MYRFL: variants seen among roughly 807,000 people sequenced by gnomAD.
The protein encoded by MYRFL is myelin regulatory factor-like protein.
MYRFL carries 88 observed loss-of-function variants against 109.4 expected under a neutral mutation model. The ratio of observed to expected loss-of-function variants is 0.80; its 90% confidence interval spans 0.68 to 0.96. The LOEUF (loss-of-function observed/expected upper bound fraction) is 0.96. Among genes scored for constraint, MYRFL ranks in the 40% least tolerant of loss-of-function variants. The pLI is 0.00. For missense variants in MYRFL, 957 were observed against 954.9 expected (o/e 1.00, Z -0.03); for synonymous variants, 324 against 320.9 (o/e 1.01, Z -0.10).
chr12:69,931,078 G>A (rs1023371270), intron 15 of MYRFL, among the ~76,000 whole-genome samples: 5 of 152,092 alleles, frequency 3.3e-5, no homozygotes, highest in African/African-American at 1.2e-4. Flanking sequence ...AGAAAATGAG[G>A]ATCAATAACA....
At chr12:69,868,085 C>A (rs2136327556) in intron 2 of MYRFL, among the ~76,000 whole-genome samples, 1 of 151,682 alleles carries the variant, frequency 6.6e-6, no homozygotes, top group African/African-American at 2.4e-5. Flanking sequence ...TTAACCCCAT[C>A]AAGCCTCGGT....
intron 1 of MYRFL, among the ~76,000 whole-genome samples, chr12:69,846,397 T>C (rs1238783681): frequency 1.3e-5 from 2 of 149,514 alleles, no homozygotes; most frequent in Non-Finnish European, 3.0e-5. Flanking sequence ...TGTCCGTGTG[T>C]TCTCATTGTT....
intron 6 of MYRFL, among the ~76,000 whole-genome samples, chr12:69,888,528 T>C (rs748726707): frequency 5.9e-5 from 9 of 152,236 alleles, no homozygotes; most frequent in Non-Finnish European, 1.2e-4. Flanking sequence ...TATACTTAAC[T>C]TTTGATATCA....
At chr12:69,909,443 A>G (rs1240276) in intron 11 of MYRFL, among the ~76,000 whole-genome samples, 58,480 of 152,030 alleles carry the variant, frequency 0.38, 12,158 homozygotes, top group East Asian at 0.71. Context: ...TAATTGCCTC[A>G]ATAGCTACTC....
chr12:69,856,742 T>C (rs530543931), intron 2 of MYRFL, among the ~76,000 whole-genome samples: 118 of 152,138 alleles, frequency 7.8e-4, no homozygotes, highest in African/African-American at 2.8e-3. Flanking sequence ...TTTTTAAAAA[T>C]TGAGTTTGTT....
chr12:69,899,870 G>T (rs1378359742), intron 10 of MYRFL, among the ~76,000 whole-genome samples: 1 of 152,126 alleles, frequency 6.6e-6, no homozygotes, highest in Non-Finnish European at 1.5e-5. Flanking sequence ...GAAAATTAAG[G>T]CTTACTCCAA....
At chr12:69,868,692 C>G (rs1358682892) in intron 2 of MYRFL, among the ~76,000 whole-genome samples, 1 of 152,202 alleles carries the variant, frequency 6.6e-6, no homozygotes, top group East Asian at 1.9e-4. Context: ...GGCAACCATA[C>G]TCATTGACAA....
chr12:69,854,290 C>T (rs11177903), intron 1 of MYRFL, among the ~76,000 whole-genome samples: 5,853 of 150,178 alleles, frequency 0.039, 141 homozygotes, highest in East Asian at 0.11. Flanking sequence ...GCCGAGATGG[C>T]GGCAGCACAG....
At chr12:69,888,600 T>C (rs1017361713) in intron 6 of MYRFL, among the ~76,000 whole-genome samples, 5 of 152,206 alleles carry the variant, frequency 3.3e-5, no homozygotes, top group African/African-American at 1.2e-4. Context: ...TGTTTAAGGT[T>C]CAGAATAATC....
chr12:69,840,717 AATGAAGCCCATTTGC>A, intron 1 of MYRFL, among the ~76,000 whole-genome samples: 1 of 152,278 alleles, frequency 6.6e-6, no homozygotes, highest in South Asian at 2.1e-4. Context: ...CAGGAAAGGC[AATGAAGCCCATTTGC>A]ATGGCTAGTT....
In MYRFL at chr12:69,952,134, T is replaced by G. The variant is rs1291936956; in HGVS notation, c.2246T>G (p.Leu749Trp). The G allele has an allele frequency of 6.5e-7, 1 of 1,536,116 alleles. No individual in the cohort carries two copies. Among genetic ancestry groups the G allele is most frequent in the Middle Eastern group, 1.7e-4 (1 of 5,990 alleles). ...RWSEDKSKSV[L>W]ARNALSGPDW... is the part of the protein sequence containing the mutation. Reference sequence around the variant, plus strand: ...TCAGAAGACAAAAGCAAATCAGTTTTGGCAAGAAATGCACTCAGCGGCCCT... The same window carrying G: ...TCAGAAGACAAAAGCAAATCAGTTTGGGCAAGAAATGCACTCAGCGGCCCT... The change falls in exon 20 of 25, where the codon TTG becomes TGG. Residue 749 changes from leucine to tryptophan, a missense_variant. Coordinates refer to ENST00000552032, the MANE Select transcript of MYRFL (RefSeq NM_182530.3).
Position 69,955,369 on chromosome 12 carries a change from A to AAAT in MYRFL, c.2383_2385dup (p.Asn795dup), listed in dbSNP as rs1956069682. 1.6e-6 allele frequency: 1 copy of AAAT among 638,236 alleles called. No homozygotes were observed. Among genetic ancestry groups the AAAT allele is most frequent in the Non-Finnish European group, 2.8e-6 (1 of 361,250 alleles). 39.5% of individuals were successfully genotyped at this position (638,236 alleles called of 1,614,324 possible). ...ATTTTCTTTCCATAATTAGATCTGGAAATTATAATTACAATATTCCTGTTA... is the reference window on the plus strand; with the variant it reads ...ATTTTCTTTCCATAATTAGATCTGGAAATAATTATAATTACAATATTCCTGTTA... On this transcript the variant is annotated inframe_insertion, in exon 22 of 25. Coordinates refer to ENST00000552032, the MANE Select transcript of MYRFL (RefSeq NM_182530.3).
At chr12:69,911,754 T>G (rs1954579308) in intron 13 of MYRFL, among the ~76,000 whole-genome samples, 1 of 152,202 alleles carries the variant, frequency 6.6e-6, no homozygotes, top group Admixed American at 6.5e-5. Flanking sequence ...ATTATTATAT[T>G]TGATGCTGAG....
At chr12:69,926,206 C>A (rs1032476841) in intron 13 of MYRFL, among the ~76,000 whole-genome samples, 10 of 144,600 alleles carry the variant, frequency 6.9e-5, no homozygotes, top group African/African-American at 2.7e-4. Context: ...CTCACTGCAA[C>A]CTCCGCCTCC....
At chr12:69,825,781 T>C (rs1020744556) in intron 1 of MYRFL, among the ~76,000 whole-genome samples, 1 of 152,116 alleles carries the variant, frequency 6.6e-6, no homozygotes, top group Admixed American at 6.6e-5. Flanking sequence ...TTTCATCTTA[T>C]AGTTTGGTTG....
chr12:69,951,423 CTTTTT>C (rs11310328), intron 19 of MYRFL, among the ~76,000 whole-genome samples: 1 of 89,200 alleles, frequency 1.1e-5, no homozygotes. Flanking sequence ...TCCTAACCTG[CTTTTT>C]TTTTTTTTTT....
chr12:69,854,913 T>C (rs1219056613), intron 1 of MYRFL, among the ~76,000 whole-genome samples: 1 of 152,200 alleles, frequency 6.6e-6, no homozygotes, highest in Non-Finnish European at 1.5e-5. Flanking sequence ...TTTTATTCTA[T>C]AAAAATATCA....
At chr12:69,919,938 C>T (rs926612160) in intron 13 of MYRFL, among the ~76,000 whole-genome samples, 4 of 152,094 alleles carry the variant, frequency 2.6e-5, no homozygotes, top group Admixed American at 6.5e-5. Flanking sequence ...GCTAAGTTAC[C>T]CTCGCTCAGT....
At chr12:69,923,141 C>G (rs1229791288) in intron 13 of MYRFL, among the ~76,000 whole-genome samples, 3 of 152,096 alleles carry the variant, frequency 2.0e-5, no homozygotes, top group Admixed American at 2.0e-4. Context: ...GGTAATTAGC[C>G]CTTTAATGTT....
Sources: allele counts gnomAD v4.1 joint callset (sites outside exome capture counted in the v4.1 genomes callset), GRCh38; gene constraint gnomAD v4.1.1; transcripts MANE v1.5; gene names NCBI Gene and HGNC (gene_info 2026-07-23, HGNC 2026-07-21).